OR13C9: variants seen among roughly 807,000 people sequenced by gnomAD.
The protein encoded by OR13C9 is olfactory receptor 13C9.
For synonymous variants in OR13C9, 133 were observed against 134.9 expected (o/e 0.99, Z 0.10); for missense variants, 368 against 382.2 (o/e 0.96, Z 0.31).
Position 104,618,041 on chromosome 9 carries a change from A to G in OR13C9, c.164T>C (p.Leu55Pro). 1 of 1,613,906 alleles carries G rather than the reference A, an allele frequency of 6.2e-7. No individual in the cohort carries two copies. Among genetic ancestry groups the G allele is most frequent in the Non-Finnish European group, 8.5e-7 (1 of 1,179,912 alleles). ...LILISILDPH[L>P]HTPMYFFLGN... ...CAGAAAGAAGTACATAGGGGTGTGA[A>G]GGTGAGGGTCCAAGATGCTGATTAA... The change falls in exon 1 of 1, where the codon CTT (leucine) becomes CCT (proline). Residue 55 changes from leucine to proline, a missense_variant. Coordinates refer to ENST00000259362, the MANE Select transcript of OR13C9 (RefSeq NM_001001956.1).
chr9:104,617,494 A>G lies in OR13C9; in HGVS notation c.711T>C (p.Ala237=), dbSNP rs142013070. Residue 237 remains alanine (A), a synonymous_variant, in exon 1 of 1, where the codon GCT becomes GCC. Coordinates refer to ENST00000259362, the MANE Select transcript of OR13C9 (RefSeq NM_001001956.1). ...TCAGATGGGCTGAGCAGGTAGAGAA[A>G]GCTTTGCTTCTCCCCTCAGAGGAGT... ...KIHSSEGRSK[A]FSTCSAHLTV... 6 of 1,613,858 alleles carry G rather than the reference A, an allele frequency of 3.7e-6. No individual in the cohort carries two copies. The African/African-American group carries it at 6.7e-5, about 18-fold the overall frequency.
In OR13C9 at chr9:104,617,882, C is replaced by T; in HGVS notation, c.323G>A (p.Gly108Glu). 3 of 1,613,940 alleles carry T rather than the reference C, an allele frequency of 1.9e-6. No homozygotes were observed. Among genetic ancestry groups the T allele is most frequent in the Admixed American group, 1.7e-5 (1 of 59,972 alleles). ...GCCCAGAAGCACACACTCTGTTGTC[C>T]CCATGGCCAAGCCAAGGAACATCTG... ...AVQMFLGLAM[G>E]TTECVLLGMM... The change falls in exon 1 of 1, where the codon GGG becomes GAG. Residue 108 changes from glycine to glutamate, a missense_variant. Physicochemically the swap from Gly to Glu is moderately conservative, Grantham distance 98 (BLOSUM62 -2). Coordinates refer to ENST00000259362, the MANE Select transcript of OR13C9 (RefSeq NM_001001956.1).
In OR13C9 at chr9:104,617,710, T is replaced by C. The variant is rs140866850; in HGVS notation, c.495A>G (p.Gln165=). ...NSAVQTTFVV[Q]LPFCRKNVIN... is the part of the protein sequence containing the mutation. ...TGACATTCTTCCTGCAGAAAGGCAA[T>C]TGTACTACAAATGTAGTTTGTACTG... is the stretch of plus-strand genomic sequence containing the variant. Residue 165 remains glutamine (Q), a synonymous_variant, in exon 1 of 1, where the codon CAA becomes CAG. Coordinates refer to ENST00000259362, the MANE Select transcript of OR13C9 (RefSeq NM_001001956.1). 120 of 1,613,934 alleles carry C rather than the reference T, an allele frequency of 7.4e-5. No individual in the cohort carries two copies. In the African/African-American group the frequency reaches 1.4e-3, roughly 19 times the overall value.
In OR13C9 at chr9:104,617,592, A is replaced by G. The variant is rs374519979; in HGVS notation, c.613T>C (p.Leu205=). ...NEFLMLVATI[L]FTLMPLLLIV... ...AAGAGCAGTGGCATCAATGTGAACA[A>G]TATTGTGGCCACAAGCATGAGGAAC... The change falls in exon 1 of 1, where the codon TTG becomes CTG. Residue 205 remains leucine, a synonymous_variant. Transcript: ENST00000259362. 15 of 1,613,712 alleles carry G rather than the reference A, an allele frequency of 9.3e-6. No individual in the cohort carries two copies. Among genetic ancestry groups the G allele is most frequent in the Non-Finnish European group, 1.2e-5 (14 of 1,179,842 alleles).
chr9:104,617,631 TG>T lies in OR13C9; in HGVS notation c.573del (p.Asp191GlufsTer18). The T allele has an allele frequency of 6.2e-7, 1 of 1,613,916 alleles. No individual in the cohort carries two copies. Among genetic ancestry groups the T allele is most frequent in the Non-Finnish European group, 8.5e-7 (1 of 1,179,946 alleles). Reference protein sequence around the residue: ...ILAVMKLACADISGNEFLMLV... With the variant: ...ILAVMKLACAXISGNEFLMLV... ...AGCATGAGGAACTCATTGCCTGAGA[TG>T]TCAGCACAGGCCAACTTCATGACAG... On this transcript the variant is annotated frameshift_variant, in exon 1 of 1. Coordinates refer to ENST00000259362, the MANE Select transcript of OR13C9 (RefSeq NM_001001956.1). LOFTEE classifies it low-confidence loss of function (END_TRUNC).
Position 104,617,623 on chromosome 9 carries a change from G to A in OR13C9, c.582C>T (p.Gly194=). 6.2e-7 allele frequency: 1 copy of A among 1,613,900 alleles called. No homozygotes were observed. The highest frequency in any genetic ancestry group is 8.5e-7 in the Non-Finnish European group (1 of 1,179,906). The change falls in exon 1 of 1, where the codon GGC becomes GGT. Residue 194 remains glycine (G), a synonymous_variant. Coordinates refer to ENST00000259362, the MANE Select transcript of OR13C9 (RefSeq NM_001001956.1). ...TGGCCACAAGCATGAGGAACTCATT[G>A]CCTGAGATGTCAGCACAGGCCAACT... ...VMKLACADIS[G]NEFLMLVATI...
chr9:104,617,508 C>A lies in OR13C9; in HGVS notation c.697G>T (p.Gly233Trp). The A allele has an allele frequency of 6.2e-7, 1 of 1,613,738 alleles. No homozygotes were observed. Among genetic ancestry groups the A allele is most frequent in the Non-Finnish European group, 8.5e-7 (1 of 1,179,912 alleles). Residue 233 changes from glycine to tryptophan, a missense_variant, in exon 1 of 1, where the codon GGG (glycine) becomes TGG (tryptophan). By Grantham distance (184) the Gly-to-Trp change is radical. Coordinates refer to ENST00000259362, the MANE Select transcript of OR13C9 (RefSeq NM_001001956.1). ...CAGGTAGAGAAAGCTTTGCTTCTCC[C>A]CTCAGAGGAGTGAATCTTGAGGATG... The part of the protein sequence containing the change: ...SSILKIHSSE[G>W]RSKAFSTCSA...
In OR13C9 at chr9:104,617,726, G is replaced by C; in HGVS notation, c.479C>G (p.Thr160Ser). Residue 160 changes from threonine to serine, a missense_variant, in exon 1 of 1, where the codon ACT becomes AGT. Physicochemically the swap from Thr to Ser is moderately conservative, Grantham distance 58. Transcript: ENST00000259362. Reference sequence around the variant, plus strand: ...GAAAGGCAATTGTACTACAAATGTAGTTTGTACTGCAGAGTTGACAATCCC... The same window carrying C: ...GAAAGGCAATTGTACTACAAATGTACTTTGTACTGCAGAGTTGACAATCCC... ...FAGIVNSAVQ[T>S]TFVVQLPFCR... 1 of 1,613,572 alleles carries C rather than the reference G, an allele frequency of 6.2e-7. No homozygotes were observed. The highest frequency in any genetic ancestry group is 8.5e-7 in the Non-Finnish European group (1 of 1,179,652).
Position 104,618,177 on chromosome 9 carries a change from C to G in OR13C9, c.28G>C (p.Val10Leu). ...GAATGTCCCTTCAGAAAAAATTCCA[C>G]CAGAATGGTTTGGTTTTCCCATTCC... MEWENQTIL[V>L]EFFLKGHSVH... The change falls in exon 1 of 1, where the codon GTG becomes CTG. Residue 10 changes from valine to leucine, a missense_variant. Physicochemically the swap from Val to Leu is conservative, Grantham distance 32. Coordinates refer to ENST00000259362, the MANE Select transcript of OR13C9 (RefSeq NM_001001956.1). The G allele has an allele frequency of 6.2e-7, 1 of 1,613,300 alleles. No individual in the cohort carries two copies. The highest frequency in any genetic ancestry group is 1.3e-5 in the African/African-American group (1 of 74,994).
rs201713390 is a variant in OR13C9 at position 104,617,375 on chromosome 9, T to C, written c.830A>G (p.Asp277Gly). The C allele has an allele frequency of 1.2e-6, 2 of 1,613,830 alleles. No individual in the cohort carries two copies. The highest frequency in any genetic ancestry group is 1.7e-5 in the Admixed American group (1 of 59,952). Reference protein sequence around the residue: ...TLNSDDLDATDKIISMFYGVM... With the variant: ...TLNSDDLDATGKIISMFYGVM... ...CCCATAGAACATGGATATAATTTTG[T>C]CGGTAGCATCCAAGTCATCTGAATT... Residue 277 changes from aspartate (D) to glycine (G), a missense_variant, in exon 1 of 1, where the codon GAC (aspartate) becomes GGC (glycine). Transcript: ENST00000259362.
At position 104,617,771 on chromosome 9, in the gene OR13C9, G is replaced by A; in HGVS notation, c.434C>T (p.Ala145Val). The change falls in exon 1 of 1, where the codon GCT becomes GTT. Residue 145 changes from alanine (A) to valine (V), a missense_variant. Coordinates refer to ENST00000259362, the MANE Select transcript of OR13C9 (RefSeq NM_001001956.1). ...IMSKNAYVPM[A>V]VGSWFAGIVN... ...AATCCCTGCAAACCAGGACCCAACA[G>A]CCATGGGTACATAGGCATTCTTGCT... 1 of 1,613,934 alleles carries A rather than the reference G, an allele frequency of 6.2e-7. No homozygotes were observed. The highest frequency in any genetic ancestry group is 1.1e-5 in the South Asian group (1 of 91,078).
rs993658 is a variant in OR13C9 at position 104,617,934 on chromosome 9, T to A, written c.271A>T (p.Thr91Ser). Reference protein sequence around the residue: ...TLVSFLSERKTISFSGCAVQM... With the variant: ...TLVSFLSERKSISFSGCAVQM... ...ACTGCACAGCCAGAAAAGGAAATGG[T>A]CTTTCTTTCTGAAAGGAAGCTCACT... The change falls in exon 1 of 1, where the codon ACC (threonine) becomes TCC (serine). Residue 91 changes from threonine (T) to serine (S), a missense_variant. Thr to Ser is a moderately conservative substitution (Grantham distance 58). Transcript: ENST00000259362. 0.22 allele frequency: 362,583 copies of A among 1,613,400 alleles called. 45,364 individuals are homozygous for A. Among genetic ancestry groups the A allele is most frequent in the East Asian group, 0.56 (25,066 of 44,852 alleles).
Position 104,617,859 on chromosome 9 carries a change from C to T in OR13C9, c.346G>A (p.Gly116Ser). Residue 116 changes from glycine to serine, a missense_variant, in exon 1 of 1, where the codon GGC becomes AGC. Gly to Ser is a moderately conservative substitution (Grantham distance 56). Coordinates refer to ENST00000259362, the MANE Select transcript of OR13C9 (RefSeq NM_001001956.1). ...AMGTTECVLLGMMAFDRYVAI... is the reference protein window; with the variant it reads ...AMGTTECVLLSMMAFDRYVAI... ...ACATAGCGGTCAAAGGCCATCATGCCCAGAAGCACACACTCTGTTGTCCCC... is the reference window on the plus strand; with the variant it reads ...ACATAGCGGTCAAAGGCCATCATGCTCAGAAGCACACACTCTGTTGTCCCC... The T allele has an allele frequency of 6.2e-7, 1 of 1,613,942 alleles. No individual in the cohort carries two copies. Among genetic ancestry groups the T allele is most frequent in the South Asian group, 1.1e-5 (1 of 91,074 alleles).
In OR13C9 at chr9:104,617,735, G is replaced by T; in HGVS notation, c.470C>A (p.Ala157Glu). 1 of 1,613,866 alleles carries T rather than the reference G, an allele frequency of 6.2e-7. No individual in the cohort carries two copies. The highest frequency in any genetic ancestry group is 8.5e-7 in the Non-Finnish European group (1 of 1,179,902). ...TTGTACTACAAATGTAGTTTGTACT[G>T]CAGAGTTGACAATCCCTGCAAACCA... ...GSWFAGIVNS[A>E]VQTTFVVQLP... The change falls in exon 1 of 1, where the codon GCA becomes GAA. Residue 157 changes from alanine to glutamate, a missense_variant. Transcript: ENST00000259362.
chr9:104,617,488 A>G lies in OR13C9; in HGVS notation c.717T>C (p.Ser239=). The part of the protein sequence containing the change: ...HSSEGRSKAF[S]TCSAHLTVVI... ...CCACAGTCAGATGGGCTGAGCAGGT[A>G]GAGAAAGCTTTGCTTCTCCCCTCAG... The change falls in exon 1 of 1, where the codon TCT becomes TCC. Residue 239 remains serine (S), a synonymous_variant. Coordinates refer to ENST00000259362, the MANE Select transcript of OR13C9 (RefSeq NM_001001956.1). 1 of 1,613,876 alleles carries G rather than the reference A, an allele frequency of 6.2e-7. No individual in the cohort carries two copies. The highest frequency in any genetic ancestry group is 8.5e-7 in the Non-Finnish European group (1 of 1,179,940).
chr9:104,617,837 T>G lies in OR13C9; in HGVS notation c.368A>C (p.Tyr123Ser). 1 of 1,614,030 alleles carries G rather than the reference T, an allele frequency of 6.2e-7. No homozygotes were observed. The highest frequency in any genetic ancestry group is 8.5e-7 in the Non-Finnish European group (1 of 1,179,986). The change falls in exon 1 of 1, where the codon TAT becomes TCT. Residue 123 changes from tyrosine (Y) to serine (S), a missense_variant. Tyr to Ser is a moderately radical substitution (Grantham distance 144). Coordinates refer to ENST00000259362, the MANE Select transcript of OR13C9 (RefSeq NM_001001956.1). ...VLLGMMAFDR[Y>S]VAICNPLRYP... ...TCTCAGAGGGTTGCAGATAGCCACA[T>G]AGCGGTCAAAGGCCATCATGCCCAG...
At position 104,617,479 on chromosome 9, in the gene OR13C9, T is replaced by A. The variant is rs1361246053; in HGVS notation, c.726A>T (p.Ser242=). ...ATATTATGACCACAGTCAGATGGGC[T>A]GAGCAGGTAGAGAAAGCTTTGCTTC... ...EGRSKAFSTC[S]AHLTVVIIFY... Residue 242 remains serine (S), a synonymous_variant, in exon 1 of 1, where the codon TCA becomes TCT. Coordinates refer to ENST00000259362, the MANE Select transcript of OR13C9 (RefSeq NM_001001956.1). 6.2e-7 allele frequency: 1 copy of A among 1,613,870 alleles called. No homozygotes were observed. Among genetic ancestry groups the A allele is most frequent in the South Asian group, 1.1e-5 (1 of 91,072 alleles).
In OR13C9 at chr9:104,617,875, T is replaced by G; in HGVS notation, c.330A>C (p.Thr110=). 6.2e-7 allele frequency: 1 copy of G among 1,614,008 alleles called. No homozygotes were observed. The highest frequency in any genetic ancestry group is 2.2e-5 in the East Asian group (1 of 44,878). Reference sequence around the variant, plus strand: ...CCATCATGCCCAGAAGCACACACTCTGTTGTCCCCATGGCCAAGCCAAGGA... The same window carrying G: ...CCATCATGCCCAGAAGCACACACTCGGTTGTCCCCATGGCCAAGCCAAGGA... ...QMFLGLAMGT[T]ECVLLGMMAF... is the part of the protein sequence containing the mutation. The change falls in exon 1 of 1, where the codon ACA becomes ACC. Residue 110 remains threonine, a synonymous_variant. Transcript: ENST00000259362.
chr9:104,618,144 G>C lies in OR13C9; in HGVS notation c.61C>G (p.Pro21Ala). The change falls in exon 1 of 1, where the codon CCA (proline) becomes GCA (alanine). Residue 21 changes from proline to alanine, a missense_variant. Coordinates refer to ENST00000259362, the MANE Select transcript of OR13C9 (RefSeq NM_001001956.1). The part of the protein sequence containing the change: ...EFFLKGHSVH[P>A]RLELLFFVLI... ...ACAAAAAAGAGTAACTCAAGCCTTG[G>C]GTGAACAGAATGTCCCTTCAGAAAA... is the stretch of plus-strand genomic sequence containing the variant. 2 of 1,613,678 alleles carry C rather than the reference G, an allele frequency of 1.2e-6. No homozygotes were observed. Among genetic ancestry groups the C allele is most frequent in the Non-Finnish European group, 1.7e-6 (2 of 1,179,774 alleles).
Sources: gnomAD v4.1 joint callset for allele counts on GRCh38, gnomAD v4.1.1 for gene constraint, MANE v1.5 for transcripts, NCBI Gene and HGNC (gene_info 2026-07-23, HGNC 2026-07-21) for gene names.